The following NFIB variants were observed in gnomAD, a reference collection of about 807,000 sequenced individuals.
NFIB encodes nuclear factor I B.
Under a neutral mutation model 61.5 loss-of-function variants are expected in NFIB, and 11 were observed. That is an observed-to-expected ratio of 0.18 (90% confidence interval 0.11 to 0.30). The LOEUF (loss-of-function observed/expected upper bound fraction) is 0.30, where lower values mean the gene tolerates loss of function less well. Ranked by LOEUF, NFIB falls within the 10% of genes least tolerant of loss-of-function variation. The pLI is 1.00. For missense variants in NFIB, 471 were observed against 608.9 expected (o/e 0.77, Z 2.38); for synonymous variants, 260 against 216.5 (o/e 1.20, Z -1.76).
intron 1 of NFIB, among the ~76,000 whole-genome samples, chr9:14,351,542 C>G (rs77789396): frequency 0.017 from 2,523 of 152,264 alleles, 87 homozygotes; most frequent in African/African-American, 0.057. Context: ...TTCTCACCTC[C>G]CATCCTACGC....
Position 14,142,949 on chromosome 9 carries a change from T to C in NFIB, c.925+3740A>G, listed in dbSNP as rs187977619. 1.7e-4 allele frequency among the ~76,000 whole-genome samples: 26 copies of C among 152,244 alleles called. No individual in the cohort carries two copies. In the East Asian group the frequency reaches 5.0e-3, roughly 29 times the overall value. ...TAGTGACTCAGTATTATTTTCCTTT[T>C]CATTTTGTTCTGTATATATAAAATA... is the stretch of plus-strand genomic sequence containing the variant. On this transcript the variant is annotated intron_variant, in intron 6 of 10. Coordinates refer to ENST00000380953, the MANE Select transcript of NFIB (RefSeq NM_001190737.2).
intron 6 of NFIB, among the ~76,000 whole-genome samples, chr9:14,142,646 G>GA (rs897541482): frequency 7.3e-5 from 11 of 150,380 alleles, no homozygotes; most frequent in South Asian, 4.2e-4. Flanking sequence ...GACTCAGATG[G>GA]AAAAAAAAAT....
At chr9:14,375,131 C>A (rs1404956874) in intron 1 of NFIB, among the ~76,000 whole-genome samples, 1 of 152,166 alleles carries the variant, frequency 6.6e-6, no homozygotes, top group East Asian at 1.9e-4. Flanking sequence ...ACATCCAAGA[C>A]TTATTCCCAA....
chr9:14,212,650 C>T (rs1222170203), intron 2 of NFIB, among the ~76,000 whole-genome samples: 1 of 142,886 alleles, frequency 7.0e-6, no homozygotes, highest in Non-Finnish European at 1.5e-5. Flanking sequence ...AAAAAAAAAA[C>T]ATGTTTAAAA....
intron 2 of NFIB, among the ~76,000 whole-genome samples, chr9:14,228,960 T>C (rs2052780348): frequency 6.6e-6 from 1 of 152,090 alleles, no homozygotes; most frequent in South Asian, 2.1e-4. Flanking sequence ...TTTCAGGTAG[T>C]TGTTTTTATT....
In NFIB at chr9:14,225,115, C is replaced by G. The variant is rs537708151; in HGVS notation, c.563-45335G>C. Among the ~76,000 whole-genome samples, 5 of 152,218 alleles carry G rather than the reference C, an allele frequency of 3.3e-5. No individual in the cohort carries two copies. The East Asian group carries it at 9.7e-4, about 29-fold the overall frequency. ...ACCTCAGCACCATTCTACTCTGCTT[C>G]TAAGTATCCAACATTTTAAAATTCC... On this transcript the variant is annotated intron_variant, in intron 2 of 10. Coordinates refer to ENST00000380953, the MANE Select transcript of NFIB (RefSeq NM_001190737.2).
chr9:14,377,317 T>C (rs1443761769), intron 1 of NFIB, among the ~76,000 whole-genome samples: 1 of 152,212 alleles, frequency 6.6e-6, no homozygotes, highest in Non-Finnish European at 1.5e-5. Flanking sequence ...AACTCCTGGA[T>C]TAATCCTTAC....
chr9:14,192,356 A>T (rs965122504), intron 2 of NFIB, among the ~76,000 whole-genome samples: 2 of 152,170 alleles, frequency 1.3e-5, no homozygotes, highest in Admixed American at 1.3e-4. Context: ...GCTTTGGATG[A>T]TATTATGCAA....
chr9:14,150,020 T>G, intron 5 of NFIB, 125 bp downstream of exon 5: 2 of 1,326,700 alleles, frequency 1.5e-6, no homozygotes, highest in East Asian at 4.8e-5. Context: ...ATTAAAAATC[T>G]GTGTACTACC....
intron 6 of NFIB, among the ~76,000 whole-genome samples, chr9:14,132,758 G>A (rs1157853230): frequency 1.3e-5 from 2 of 152,078 alleles, no homozygotes; most frequent in African/African-American, 2.4e-5. Flanking sequence ...TAGGGACAAA[G>A]TCTGGCTATA....
chr9:14,297,413 C>T (rs2059505242), intron 2 of NFIB, among the ~76,000 whole-genome samples: 1 of 152,156 alleles, frequency 6.6e-6, no homozygotes, highest in Non-Finnish European at 1.5e-5. Flanking sequence ...CTCCTTTGAC[C>T]CCTATGATTC....
chr9:14,221,745 A>G (rs1212827913), intron 2 of NFIB, among the ~76,000 whole-genome samples: 1 of 152,220 alleles, frequency 6.6e-6, no homozygotes, highest in Non-Finnish European at 1.5e-5. Context: ...CCTCCCTTGG[A>G]ATCCATAGTA....
intron 3 of NFIB, among the ~76,000 whole-genome samples, chr9:14,159,336 T>C (rs918727132): frequency 2.0e-5 from 3 of 152,264 alleles, no homozygotes; most frequent in South Asian, 2.1e-4. Context: ...ATGAAAAGCA[T>C]TGGAAATATA....
intron 10 of NFIB, chr9:14,102,573 A>G (rs1418239286): frequency 7.5e-7 from 1 of 1,324,992 alleles, no homozygotes; most frequent in African/African-American, 1.5e-5. Context: ...TAGTATTTAA[A>G]TGAACACATG....
chr9:14,341,372 A>G (rs774575482), intron 1 of NFIB, among the ~76,000 whole-genome samples: 1 of 152,196 alleles, frequency 6.6e-6, no homozygotes, highest in Non-Finnish European at 1.5e-5. Context: ...TTTGTAGTTT[A>G]CAGAAAGGAG....
the NFIB span, among the ~76,000 whole-genome samples, chr9:14,514,149 T>A: frequency 2.4e-4 from 37 of 152,324 alleles, no homozygotes; most frequent in African/African-American, 8.7e-4. Context: ...TATTGAGCAT[T>A]GTTTGACATT....
At chr9:14,406,444 G>T in the NFIB span, among the ~76,000 whole-genome samples, 5 of 152,190 alleles carry the variant, frequency 3.3e-5, no homozygotes, top group Non-Finnish European at 7.3e-5. Context: ...GGACCTGATG[G>T]GGAAGATGGC....
intron 2 of NFIB, among the ~76,000 whole-genome samples, chr9:14,209,379 T>A (rs906891155): frequency 6.6e-6 from 1 of 152,208 alleles, no homozygotes; most frequent in Non-Finnish European, 1.5e-5. Context: ...TAGAAGGCAA[T>A]TGCTAGAGAA....
chr9:14,482,529 A>T, the NFIB span, among the ~76,000 whole-genome samples: 1 of 152,338 alleles, frequency 6.6e-6, no homozygotes, highest in African/African-American at 2.4e-5. Flanking sequence ...TTTTGATCAC[A>T]TAGAACGTAA....
Sources: gnomAD v4.1 joint callset for allele counts (sites outside exome capture counted in the v4.1 genomes callset) on GRCh38, gnomAD v4.1.1 for gene constraint, MANE v1.5 for transcripts, NCBI Gene and HGNC (gene_info 2026-07-23, HGNC 2026-07-21) for gene names.